EVI5L: variants seen among roughly 807,000 people sequenced by gnomAD.
EVI5L encodes EVI5-like protein.
In EVI5L, 30 loss-of-function variants were observed where a neutral mutation model predicts 106.1. The ratio of observed to expected loss-of-function variants is 0.28; its 90% CI spans 0.21 to 0.38. The LOEUF (loss-of-function observed/expected upper bound fraction) is 0.38. Ranked by LOEUF, EVI5L falls within the 10% of genes least tolerant of loss-of-function variation. EVI5L has a pLI of 1.00. For missense variants in EVI5L, 809 were observed against 1,098.0 expected, an observed-to-expected ratio of 0.74 and a Z score of 3.72; for synonymous variants, 489 against 483.3, an observed-to-expected ratio of 1.01 and a Z score of -0.15.
intron 1 of EVI5L, among the ~76,000 whole-genome samples, chr19:7,844,827 G>A (rs1422452898): frequency 3.3e-5 from 5 of 152,192 alleles, no homozygotes; most frequent in Admixed American, 6.5e-5. Context: ...GGGAGCCACA[G>A]AGGCCTGGAG....
chr19:7,857,178 C>T lies in EVI5L; in HGVS notation c.1233+54C>T, dbSNP rs1325015319. 9.7e-6 allele frequency: 15 copies of T among 1,546,072 alleles called. No homozygotes were observed. The highest frequency in any genetic ancestry group is 1.3e-5 in the Non-Finnish European group (15 of 1,143,156). On this transcript the variant is annotated intron_variant, in intron 12 of 19. Coordinates refer to ENST00000538904, the MANE Select transcript of EVI5L (RefSeq NM_001159944.3). This position sits in a 1 kb window ranked among gnomAD's most constrained non-coding sequence, Gnocchi z 4.5. ...ATTCCTTCCTGGCCCCTTCCCTGCA[C>T]CCTGCACATGACAGCCAGTAACCGC...
intron 8 of EVI5L, chr19:7,852,871 G>A: frequency 1.8e-6 from 1 of 561,658 alleles, no homozygotes; most frequent in Non-Finnish European, 3.2e-6. Context: ...CTTTTCTTCT[G>A]GAAACTAAGG....
intron 17 of EVI5L, 58 bp downstream of exon 17, chr19:7,862,592 A>C (rs1306315321): frequency 1.2e-5 from 15 of 1,233,394 alleles, no homozygotes; most frequent in Middle Eastern, 3.0e-4. Context: ...GCGCCCCTAC[A>C]TGAGGCCCCG....
At chr19:7,838,759 G>T (rs1214706806) in intron 1 of EVI5L, among the ~76,000 whole-genome samples, 1 of 152,032 alleles carries the variant, frequency 6.6e-6, no homozygotes, top group Non-Finnish European at 1.5e-5. Flanking sequence ...GTAGGCAGAG[G>T]GGTGGATGTT....
At chr19:7,855,889 G>A in intron 10 of EVI5L, 126 bp from the exon 11 acceptor site, 1 of 742,872 alleles carries the variant, frequency 1.3e-6, no homozygotes. Context: ...GTAAGATGCT[G>A]GCTGTGCCCT....
At chr19:7,859,749 C>G (rs1189873351) in intron 13 of EVI5L, among the ~76,000 whole-genome samples, 1 of 152,198 alleles carries the variant, frequency 6.6e-6, no homozygotes, top group Non-Finnish European at 1.5e-5. Context: ...ATGCAGAGAT[C>G]GGGGAGGCCC....
Position 7,849,341 on chromosome 19 carries a change from G to A in EVI5L, c.627+11G>A. On this transcript the variant is annotated intron_variant, in intron 5 of 19. Coordinates refer to ENST00000538904, the MANE Select transcript of EVI5L (RefSeq NM_001159944.3). ...CTGCTCCTCATGCAGGTAGGTGGCT[G>A]GGGGGTGGCTGGGCTCCTGCCAGAC... is the stretch of plus-strand genomic sequence containing the variant. The A allele has an allele frequency of 5.0e-6, 8 of 1,613,120 alleles. No individual in the cohort carries two copies. Among genetic ancestry groups the A allele is most frequent in the Admixed American group, 1.7e-5 (1 of 60,000 alleles).
chr19:7,843,116 T>G (rs1006799597), intron 1 of EVI5L, among the ~76,000 whole-genome samples: 1 of 144,654 alleles, frequency 6.9e-6, no homozygotes, highest in Non-Finnish European at 1.5e-5. Flanking sequence ...CATGGGTGTG[T>G]GTGTCATGTG....
intron 10 of EVI5L, among the ~76,000 whole-genome samples, chr19:7,854,214 G>A (rs538981367): frequency 6.0e-5 from 9 of 150,856 alleles, no homozygotes; most frequent in Non-Finnish European, 8.9e-5. Context: ...CCCGGGAGGC[G>A]GAGGTTACAG....
intron 17 of EVI5L, 35 bp from the exon 18 acceptor site, chr19:7,862,937 C>A: frequency 7.6e-7 from 1 of 1,309,024 alleles, no homozygotes; most frequent in Non-Finnish European, 1.0e-6. Context: ...CGCCCCCTGA[C>A]CCGCCCTCCT....
At chr19:7,862,740 A>ACCTCC (rs1435880628) in intron 17 of EVI5L, among the ~76,000 whole-genome samples, 4 of 23,170 alleles carry the variant, frequency 1.7e-4, no homozygotes, top group Admixed American at 4.1e-4. Context: ...CCTCCTGACC[A>ACCTCC]CCCCCCCCCG....
chr19:7,847,690 C>A, intron 2 of EVI5L, 42 bp from the exon 3 acceptor site: 2 of 1,596,834 alleles, frequency 1.3e-6, no homozygotes, highest in Non-Finnish European at 1.7e-6. Flanking sequence ...TCCCTGTCCC[C>A]AGGGAGTCAC....
In EVI5L at chr19:7,857,957, C is replaced by G; in HGVS notation, c.1234-234C>G. 3.8e-6 allele frequency: 2 copies of G among 530,590 alleles called. No individual in the cohort carries two copies. Among genetic ancestry groups the G allele is most frequent in the Non-Finnish European group, 6.7e-6 (2 of 297,078 alleles). 32.9% of individuals were successfully genotyped at this position (530,590 alleles called of 1,614,324 possible). On this transcript the variant is annotated intron_variant, in intron 12 of 19. Transcript: ENST00000538904. The surrounding 1 kb of genome is among the most constrained non-coding windows in gnomAD (Gnocchi z 4.5). ...GGGGAAGGAGATGGAGCTTTCCAAG[C>G]CCAGGGCTAGCTCTGTTCCTCCCGG...
At chr19:7,862,835 C>CCCTGCCCGCGGT (rs1979904969) in intron 17 of EVI5L, 137 bp from the exon 18 acceptor site, 2 of 548,894 alleles carry the variant, frequency 3.6e-6, no homozygotes, top group Non-Finnish European at 5.9e-6. Flanking sequence ...GCGGTCCCGC[C>CCCTGCCCGCGGT]CCTGCCCGCG....
chr19:7,856,277 T>C lies in EVI5L; in HGVS notation c.1200+209T>C, dbSNP rs1429707073. ...ACTCGTATGGTGATTAATCCTGGAGTGGGGGCGAGTTACAACCCAGTGGCC... is the reference window on the plus strand; with the variant it reads ...ACTCGTATGGTGATTAATCCTGGAGCGGGGGCGAGTTACAACCCAGTGGCC... On this transcript the variant is annotated intron_variant, in intron 11 of 19. Transcript: ENST00000538904. This position sits in a 1 kb window ranked among gnomAD's most constrained non-coding sequence, Gnocchi z 6.6. Among the ~76,000 whole-genome samples the C allele has an allele frequency of 6.6e-6, 1 of 151,604 alleles. No homozygotes were observed. Among genetic ancestry groups the C allele is most frequent in the East Asian group, 1.9e-4 (1 of 5,136 alleles).
chr19:7,847,954 G>C (rs201715914), intron 3 of EVI5L, 33 bp downstream of exon 3: 8 of 1,517,368 alleles, frequency 5.3e-6, no homozygotes, highest in Non-Finnish European at 5.3e-6. Flanking sequence ...GGGCTGGGCC[G>C]ACGGCGTGGG....
chr19:7,844,237 C>G (rs1412740174), intron 1 of EVI5L, among the ~76,000 whole-genome samples: 5 of 150,410 alleles, frequency 3.3e-5, no homozygotes, highest in Non-Finnish European at 5.9e-5. Flanking sequence ...TGTAATCAAG[C>G]AGGAGAATCG....
chr19:7,831,520 T>C (rs890619787), intron 1 of EVI5L, among the ~76,000 whole-genome samples: 1 of 152,012 alleles, frequency 6.6e-6, no homozygotes, highest in African/African-American at 2.4e-5. Flanking sequence ...CACTGGAGCC[T>C]TGGAGGGTGA....
chr19:7,839,563 C>T (rs1489962797), intron 1 of EVI5L, among the ~76,000 whole-genome samples: 1 of 152,136 alleles, frequency 6.6e-6, no homozygotes, highest in Non-Finnish European at 1.5e-5. Context: ...CTGTATGGTT[C>T]TGGTGGCCCC....
Sources: allele counts gnomAD v4.1 joint callset (sites outside exome capture counted in the v4.1 genomes callset), GRCh38; gene constraint gnomAD v4.1.1; non-coding constraint Gnocchi (gnomAD v3.1); transcripts MANE v1.5; gene names NCBI Gene and HGNC (gene_info 2026-07-23, HGNC 2026-07-21).